The following PTPRG variants were observed in gnomAD, a reference collection of about 807,000 sequenced individuals.
PTPRG encodes protein tyrosine phosphatase receptor type G.
PTPRG carries 102 observed loss-of-function variants against 165.3 expected under a neutral mutation model. The ratio of observed to expected loss-of-function variants is 0.62; its 90% CI spans 0.53 to 0.73. The LOEUF (loss-of-function observed/expected upper bound fraction) is 0.73. Ranked by LOEUF, PTPRG falls within the 30% of genes least tolerant of loss-of-function variation. PTPRG has a pLI of 0.00. For synonymous variants in PTPRG, 675 were observed against 669.5 expected (o/e 1.01, Z -0.13); for missense variants, 1,866 against 1,861.4 (o/e 1.00, Z -0.05).
intron 8 of PTPRG, among the ~76,000 whole-genome samples, chr3:62,183,788 T>C (rs1705757820): frequency 6.6e-6 from 1 of 152,158 alleles, no homozygotes; most frequent in African/African-American, 2.4e-5. Flanking sequence ...CATTGTCATT[T>C]GTCATTGAGA....
chr3:62,057,634 G>A lies in PTPRG; in HGVS notation c.520-20529G>A, dbSNP rs577254756. ...AGCTAACAAAAATAACTCTGCCAGA[G>A]CAGTGCCCTGGACAGGTTTGCAGCT... On this transcript the variant is annotated intron_variant, in intron 4 of 29. Transcript: ENST00000474889. Among the ~76,000 whole-genome samples the A allele has an allele frequency of 3.9e-5, 6 of 152,294 alleles. No homozygotes were observed. The South Asian group carries it at 1.2e-3, about 32-fold the overall frequency.
At chr3:62,027,598 A>G (rs888814185) in intron 4 of PTPRG, among the ~76,000 whole-genome samples, 1 of 152,170 alleles carries the variant, frequency 6.6e-6, no homozygotes, top group African/African-American at 2.4e-5. Flanking sequence ...ATTTTTCCAA[A>G]TATTTTCGAG....
At chr3:62,134,455 C>T (rs1428320683) in intron 6 of PTPRG, among the ~76,000 whole-genome samples, 1 of 152,224 alleles carries the variant, frequency 6.6e-6, no homozygotes, top group Non-Finnish European at 1.5e-5. Flanking sequence ...CAGCCCCTCC[C>T]AGCTTGTGCA....
chr3:61,852,350 C>T (rs926187280), intron 2 of PTPRG, among the ~76,000 whole-genome samples: 3 of 152,060 alleles, frequency 2.0e-5, no homozygotes, highest in Non-Finnish European at 2.9e-5. Flanking sequence ...TATGTCATGA[C>T]AATTATATTT....
intron 2 of PTPRG, among the ~76,000 whole-genome samples, chr3:61,937,661 A>T (rs1180565483): frequency 1.3e-5 from 2 of 152,204 alleles, no homozygotes; most frequent in Admixed American, 6.5e-5. Flanking sequence ...ACATTTTCAC[A>T]GCTTCTTGCT....
intron 2 of PTPRG, among the ~76,000 whole-genome samples, chr3:61,775,173 T>G (rs574108863): frequency 2.0e-5 from 3 of 152,234 alleles, no homozygotes; most frequent in African/African-American, 7.2e-5. Context: ...CAGGTTCAAT[T>G]GATTCTCCTG....
At position 62,237,275 on chromosome 3, in the gene PTPRG, G is replaced by T. The variant is rs998479586; in HGVS notation, c.2375+5964G>T. Among the ~76,000 whole-genome samples, 4 of 152,132 alleles carry T rather than the reference G, an allele frequency of 2.6e-5. No homozygotes were observed. The South Asian group carries it at 8.3e-4, about 32-fold the overall frequency. The stretch of plus-strand genomic sequence containing the variant: ...AAGAATTCCTGGGTGGAAATGGGGG[G>T]TCAGAAGTCTAGAGGTTTTTTTGTT... On this transcript the variant is annotated intron_variant, in intron 14 of 29. Transcript: ENST00000474889. This position sits in a 1 kb window ranked among gnomAD's most constrained non-coding sequence, Gnocchi z 4.5.
intron 4 of PTPRG, among the ~76,000 whole-genome samples, chr3:62,059,662 C>T (rs112904371): frequency 5.3e-5 from 8 of 152,260 alleles, no homozygotes; most frequent in African/African-American, 1.7e-4. Context: ...ACACGGCAAA[C>T]CCCATGATAT....
intron 1 of PTPRG, among the ~76,000 whole-genome samples, chr3:61,716,010 G>A (rs2031791238): frequency 6.6e-6 from 1 of 152,158 alleles, no homozygotes; most frequent in African/African-American, 2.4e-5. Context: ...CATACTGGAT[G>A]GAGAGGGTCT....
chr3:62,205,148 A>G (rs566273741), intron 12 of PTPRG, among the ~76,000 whole-genome samples: 3 of 152,164 alleles, frequency 2.0e-5, no homozygotes, highest in African/African-American at 7.2e-5. Flanking sequence ...TAAAGCTGCT[A>G]TGAACTAATT....
chr3:62,059,234 G>A lies in PTPRG; in HGVS notation c.520-18929G>A, dbSNP rs183402870. On this transcript the variant is annotated intron_variant, in intron 4 of 29. Transcript: ENST00000474889. ...AATCTTCACGAAGCACATGTCCTAGGGGACTCCTTCATAAGTGGAACTCAC... is the reference window on the plus strand; with the variant it reads ...AATCTTCACGAAGCACATGTCCTAGAGGACTCCTTCATAAGTGGAACTCAC... Among the ~76,000 whole-genome samples the A allele has an allele frequency of 4.6e-5, 7 of 152,198 alleles. No homozygotes were observed. In the East Asian group the frequency reaches 1.2e-3, roughly 25 times the overall value.
intron 2 of PTPRG, among the ~76,000 whole-genome samples, chr3:61,968,012 G>A (rs2040306962): frequency 6.6e-6 from 1 of 152,074 alleles, no homozygotes; most frequent in Admixed American, 6.6e-5. Context: ...GAATATGGAT[G>A]TTAAAATATA....
At chr3:61,636,735 T>C (rs1312705034) in intron 1 of PTPRG, among the ~76,000 whole-genome samples, 1 of 152,246 alleles carries the variant, frequency 6.6e-6, no homozygotes, top group Non-Finnish European at 1.5e-5. Context: ...GTTTCCACTT[T>C]TGACTATCAT....
chr3:61,658,247 C>T (rs1702563079), intron 1 of PTPRG, among the ~76,000 whole-genome samples: 1 of 152,194 alleles, frequency 6.6e-6, no homozygotes, highest in African/African-American at 2.4e-5. Flanking sequence ...CACCCGGTGC[C>T]TGTGGATTCA....
intron 2 of PTPRG, among the ~76,000 whole-genome samples, chr3:61,824,649 A>G (rs1175059034): frequency 6.6e-6 from 1 of 152,146 alleles, no homozygotes; most frequent in Non-Finnish European, 1.5e-5. Context: ...GGGCAAACAA[A>G]AATTAACTAG....
At position 62,213,745 on chromosome 3, in the gene PTPRG, C is replaced by T. The variant is rs977275955; in HGVS notation, c.2156-5106C>T. 6.6e-6 allele frequency among the ~76,000 whole-genome samples: 1 copy of T among 152,116 alleles called. No individual in the cohort carries two copies. Among genetic ancestry groups the T allele is most frequent in the Non-Finnish European group, 1.5e-5 (1 of 68,032 alleles). The stretch of plus-strand genomic sequence containing the variant: ...AGGCCTAGGCATGGGGAAGTTTAGC[C>T]TCATGGATTGTCGGTGTCTGAGGGC... On this transcript the variant is annotated intron_variant, in intron 12 of 29. Coordinates refer to ENST00000474889, the MANE Select transcript of PTPRG (RefSeq NM_002841.4). This position sits in a 1 kb window ranked among gnomAD's most constrained non-coding sequence, Gnocchi z 4.4.
chr3:62,262,865 AC>A lies in PTPRG; in HGVS notation c.2628del (p.His876GlnfsTer9), dbSNP rs1329093214. On this transcript the variant is annotated frameshift_variant, in exon 17 of 30. Transcript: ENST00000474889. LOFTEE classifies it high-confidence loss of function. ...AEHSNHPENK[H>X]KNRYINILAY... is the part of the protein sequence containing the mutation. ...CATTCCAATCATCCAGAAAACAAGC[AC>A]AAAAACAGATACATCAACATTTTAG... 6.2e-7 allele frequency: 1 copy of A among 1,613,480 alleles called. No individual in the cohort carries two copies. Among genetic ancestry groups the A allele is most frequent in the African/African-American group, 1.3e-5 (1 of 74,926 alleles).
chr3:61,893,403 A>T, intron 2 of PTPRG, among the ~76,000 whole-genome samples: 1 of 152,214 alleles, frequency 6.6e-6, no homozygotes, highest in East Asian at 1.9e-4. Flanking sequence ...AAGGTAGTCA[A>T]TGTCAATATC....
intron 1 of PTPRG, among the ~76,000 whole-genome samples, chr3:61,605,893 A>C (rs1293669373): frequency 2.1e-4 from 32 of 152,112 alleles, no homozygotes; most frequent in Non-Finnish European, 4.4e-5. Flanking sequence ...ATAAATATGA[A>C]CAGCTTGGCT....
Sources: gnomAD v4.1 joint callset for allele counts (sites outside exome capture counted in the v4.1 genomes callset) on GRCh38, gnomAD v4.1.1 for gene constraint, Gnocchi (gnomAD v3.1) non-coding constraint, MANE v1.5 for transcripts, NCBI Gene and HGNC (gene_info 2026-07-23, HGNC 2026-07-21) for gene names.